Variants in ZNF280D observed in about 807,000 individuals in gnomAD.
The protein encoded by ZNF280D is zinc finger protein 280D.
A neutral mutation model predicts 94.7 loss-of-function variants in ZNF280D; 39 were observed. That is an observed-to-expected ratio of 0.41 (90% CI 0.32 to 0.54). The LOEUF is 0.54. Ranked by LOEUF, ZNF280D falls within the 20% of genes least tolerant of loss-of-function variation. The pLI, the probability that ZNF280D is intolerant of heterozygous loss-of-function variation, is 0.22. For synonymous variants in ZNF280D, 398 were observed against 377.6 expected (o/e 1.05, Z -0.63); for missense variants, 1,090 against 1,149.3 (o/e 0.95, Z 0.75).
At chr15:56,648,431 C>T (rs146358522) in intron 19 of ZNF280D, among the ~76,000 whole-genome samples, 62 of 151,976 alleles carry the variant, frequency 4.1e-4, no homozygotes, top group African/African-American at 1.4e-3. Flanking sequence ...AGGGCCTTAA[C>T]ACTGAAGCTT....
chr15:56,719,885 C>CT (rs1464005587), intron 1 of ZNF280D, among the ~76,000 whole-genome samples: 12 of 105,514 alleles, frequency 1.1e-4, no homozygotes, highest in African/African-American at 2.0e-4. Flanking sequence ...TACTTTATTG[C>CT]TAAAAAAAAA....
At chr15:56,694,558 G>A (rs973681685) in intron 6 of ZNF280D, among the ~76,000 whole-genome samples, 17 of 151,956 alleles carry the variant, frequency 1.1e-4, no homozygotes, top group Admixed American at 1.0e-3. Context: ...CAACATATAC[G>A]AAATACCTTT....
At chr15:56,674,506 A>G (rs1362706566) in intron 13 of ZNF280D, among the ~76,000 whole-genome samples, 6 of 152,090 alleles carry the variant, frequency 3.9e-5, no homozygotes, top group Non-Finnish European at 8.8e-5. Flanking sequence ...TTTAGACCCA[A>G]TGCCAATGTG....
intron 16 of ZNF280D, among the ~76,000 whole-genome samples, chr15:56,660,247 G>A (rs1028083897): frequency 1.3e-5 from 2 of 152,028 alleles, no homozygotes; most frequent in African/African-American, 4.8e-5. Context: ...ATTTTTAAAC[G>A]AGATTTAAAA....
chr15:56,647,123 A>C (rs1233009972), intron 19 of ZNF280D, among the ~76,000 whole-genome samples: 1 of 152,234 alleles, frequency 6.6e-6, no homozygotes, highest in Non-Finnish European at 1.5e-5. Flanking sequence ...AGTATGACCA[A>C]ATTTGTGCAT....
chr15:56,694,189 T>C (rs2056595563), intron 6 of ZNF280D, among the ~76,000 whole-genome samples: 1 of 152,016 alleles, frequency 6.6e-6, no homozygotes, highest in Non-Finnish European at 1.5e-5. Flanking sequence ...AGTATAAAGT[T>C]ATATATGAGC....
rs1300333850 is a variant in ZNF280D at position 56,693,214 on chromosome 15, C to A, written c.383G>T (p.Gly128Val). Residue 128 changes from glycine to valine, a missense_variant and splice_region_variant, in exon 7 of 22, where the codon GGT (glycine) becomes GTT (valine). Transcript: ENST00000267807. ...SVIVQPFSKP[G>V]YITNSSRVVS... Reference sequence around the variant, plus strand: ...AACTCGTGATGAGTTTGTTATATAACCCTGTTAAATAGTTCAAAGGAAAAA... The same window carrying A: ...AACTCGTGATGAGTTTGTTATATAAACCTGTTAAATAGTTCAAAGGAAAAA... 3.3e-6 allele frequency: 5 copies of A among 1,524,682 alleles called. No individual in the cohort carries two copies. In the East Asian group the frequency reaches 9.6e-5, roughly 29 times the overall value. The allele number at this position is 1,524,682 out of a possible 1,614,324, so 94.4% of individuals were successfully genotyped here.
In ZNF280D at chr15:56,678,165, G is replaced by A. The variant is rs2055372847; in HGVS notation, c.1163-491C>T. On this transcript the variant is annotated intron_variant, in intron 11 of 21. Transcript: ENST00000267807. Reference sequence around the variant, plus strand: ...TGGGATTACAGGCATGCACCACCATGCCCGGCTAATTTTTGTATTTTTAGT... The same window carrying A: ...TGGGATTACAGGCATGCACCACCATACCCGGCTAATTTTTGTATTTTTAGT... Among the ~76,000 whole-genome samples, 5 of 152,042 alleles carry A rather than the reference G, an allele frequency of 3.3e-5. 1 individual carries two copies. The South Asian group carries it at 1.0e-3, about 32-fold the overall frequency.
chr15:56,683,701 A>G (rs2055799796), intron 9 of ZNF280D, among the ~76,000 whole-genome samples: 1 of 152,144 alleles, frequency 6.6e-6, no homozygotes, highest in Non-Finnish European at 1.5e-5. Context: ...TCCTATTTTT[A>G]TAGTTAAATA....
intron 4 of ZNF280D, among the ~76,000 whole-genome samples, chr15:56,703,041 T>C (rs1372441780): frequency 2.0e-5 from 3 of 152,142 alleles, no homozygotes; most frequent in Non-Finnish European, 4.4e-5. Context: ...GAAAAGGATC[T>C]ATTTTCTCTT....
intron 19 of ZNF280D, among the ~76,000 whole-genome samples, chr15:56,644,856 T>G (rs1211429768): frequency 6.6e-6 from 1 of 152,210 alleles, no homozygotes; most frequent in South Asian, 2.1e-4. Flanking sequence ...GAGAACAAAG[T>G]AAGTTATTGA....
At chr15:56,671,167 T>C (rs1326400166) in intron 13 of ZNF280D, among the ~76,000 whole-genome samples, 1 of 152,014 alleles carries the variant, frequency 6.6e-6, no homozygotes, top group Admixed American at 6.6e-5. Flanking sequence ...GTGCAGAAGC[T>C]CTTTAATTAG....
intron 20 of ZNF280D, among the ~76,000 whole-genome samples, chr15:56,638,703 A>T (rs1020647277): frequency 6.6e-6 from 1 of 152,174 alleles, no homozygotes; most frequent in Non-Finnish European, 1.5e-5. Context: ...TTATGTTAAC[A>T]TATATTTATT....
Position 56,631,940 on chromosome 15 carries a change from G to A in ZNF280D, c.2498C>T (p.Ala833Val). 6.2e-7 allele frequency: 1 copy of A among 1,613,774 alleles called. No individual in the cohort carries two copies. The highest frequency in any genetic ancestry group is 8.5e-7 in the Non-Finnish European group (1 of 1,179,984). The change falls in exon 22 of 22, where the codon GCA (alanine) becomes GTA (valine). Residue 833 changes from alanine (A) to valine (V), a missense_variant. By Grantham distance (64) the Ala-to-Val change is moderately conservative. Around this residue, in one of 3 missense-constraint regions of ZNF280D, gnomAD observed 577 missense variants for 568.8 expected, o/e 1.01. Transcript: ENST00000267807. ...TTGTTTTTTCTTTTCCACTTTATCTGCACCAATATTTGAATCACAACTGAC... is the reference window on the plus strand; with the variant it reads ...TTGTTTTTTCTTTTCCACTTTATCTACACCAATATTTGAATCACAACTGAC... Reference protein sequence around the residue: ...NIVSCDSNIGADKVEKKKQIQ... With the variant: ...NIVSCDSNIGVDKVEKKKQIQ...
At chr15:56,671,082 T>A (rs1195070272) in intron 13 of ZNF280D, among the ~76,000 whole-genome samples, 1 of 152,146 alleles carries the variant, frequency 6.6e-6, no homozygotes, top group East Asian at 1.9e-4. Context: ...TAGACCTTTG[T>A]CAGATGCATA....
intron 16 of ZNF280D, among the ~76,000 whole-genome samples, chr15:56,661,968 T>C (rs1235627371): frequency 1.3e-5 from 2 of 152,150 alleles, no homozygotes; most frequent in African/African-American, 4.8e-5. Context: ...TGGATTCAAA[T>C]CCAGACTTGT....
At chr15:56,730,831 A>G (rs1368386690) in intron 1 of ZNF280D, among the ~76,000 whole-genome samples, 1 of 152,234 alleles carries the variant, frequency 6.6e-6, no homozygotes, top group African/African-American at 2.4e-5. Context: ...TTATCAGATT[A>G]CTGCAGGTAA....
At chr15:56,653,196 C>A in intron 19 of ZNF280D, 1 of 1,059,726 alleles carries the variant, frequency 9.4e-7, no homozygotes, top group East Asian at 6.6e-5. Flanking sequence ...TTTTTATATT[C>A]CTTGGACTGC....
chr15:56,688,883 T>A, intron 9 of ZNF280D, 158 bp downstream of exon 9: 1 of 447,318 alleles, frequency 2.2e-6, no homozygotes, highest in Non-Finnish European at 3.9e-6. Flanking sequence ...TTAGAAGGAA[T>A]TTGAGAATCT....
Sources: gnomAD v4.1 joint callset for allele counts (sites outside exome capture counted in the v4.1 genomes callset) on GRCh38, gnomAD v4.1.1 for gene constraint, gnomAD v4.1.1 regional missense constraint, MANE v1.5 for transcripts, NCBI Gene and HGNC (gene_info 2026-07-23, HGNC 2026-07-21) for gene names.